Variants in ASAP2 observed in about 807,000 individuals in gnomAD.
ASAP2 encodes arf-GAP with SH3 domain, ANK repeat and PH domain-containing protein 2.
Under a neutral mutation model 131.4 loss-of-function variants are expected in ASAP2, and 45 were observed. The ratio of observed to expected loss-of-function variants is 0.34; its 90% CI spans 0.27 to 0.44. The LOEUF is 0.44. Ranked by LOEUF, ASAP2 falls within the 20% of genes least tolerant of loss-of-function variation. ASAP2 has a pLI of 1.00. For synonymous variants in ASAP2, 510 were observed against 503.0 expected (o/e 1.01, Z -0.19); for missense variants, 1,011 against 1,297.0 (o/e 0.78, Z 3.39).
intron 2 of ASAP2, among the ~76,000 whole-genome samples, chr2:9,291,255 A>T (rs1006149945): frequency 1.3e-5 from 2 of 152,234 alleles, no homozygotes; most frequent in African/African-American, 2.4e-5. Flanking sequence ...TGGAAGTGGG[A>T]TTATCCAGAA....
intron 1 of ASAP2, among the ~76,000 whole-genome samples, chr2:9,235,389 C>T (rs1391697565): frequency 1.3e-5 from 2 of 152,162 alleles, no homozygotes; most frequent in African/African-American, 2.4e-5. Flanking sequence ...GGCACCCCAG[C>T]CCTTCCCTTT....
Position 9,262,304 on chromosome 2 carries a change from G to A in ASAP2, c.127-17013G>A, listed in dbSNP as rs184836261. Among the ~76,000 whole-genome samples the A allele has an allele frequency of 4.6e-5, 7 of 152,160 alleles. No individual in the cohort carries two copies. In the East Asian group the frequency reaches 9.6e-4, roughly 21 times the overall value. On this transcript the variant is annotated intron_variant, in intron 1 of 27. Coordinates refer to ENST00000281419, the MANE Select transcript of ASAP2 (RefSeq NM_003887.3). ...AAGTATTTGTCGTAATGACTGAGACGGTCCTGGGGTAACAGCGTCTTCTTA... is the reference window on the plus strand; with the variant it reads ...AAGTATTTGTCGTAATGACTGAGACAGTCCTGGGGTAACAGCGTCTTCTTA...
rs1042458367 is a variant in ASAP2 at position 9,320,401 on chromosome 2, C to G, written c.470+64C>G. On this transcript the variant is annotated intron_variant, in intron 5 of 27. Coordinates refer to ENST00000281419, the MANE Select transcript of ASAP2 (RefSeq NM_003887.3). ...TGGGATTTCAAATTTAAACCAACCT[C>G]GTATTGCTTAAAGGGATTGTCCAAA... 7 of 1,221,928 alleles carry G rather than the reference C, an allele frequency of 5.7e-6. No individual in the cohort carries two copies. The African/African-American group carries it at 1.0e-4, about 18-fold the overall frequency. The allele number at this position is 1,221,928 out of a possible 1,614,324, so 75.7% of individuals were successfully genotyped here. A position where few individuals can be genotyped will look rare whatever the true frequency, so the allele number is the denominator to read the frequency against.
At chr2:9,225,126 G>A (rs1256277383) in intron 1 of ASAP2, among the ~76,000 whole-genome samples, 2 of 152,214 alleles carry the variant, frequency 1.3e-5, no homozygotes, top group Non-Finnish European at 2.9e-5. Flanking sequence ...ATGGTTTTTA[G>A]GGGTTGTAAA....
At chr2:9,329,094 T>C (rs1670665249) in intron 7 of ASAP2, among the ~76,000 whole-genome samples, 1 of 152,182 alleles carries the variant, frequency 6.6e-6, no homozygotes, top group Non-Finnish European at 1.5e-5. Flanking sequence ...ATCTGAGATC[T>C]AAAGTATGAG....
At chr2:9,233,848 C>T (rs1233441498) in intron 1 of ASAP2, among the ~76,000 whole-genome samples, 3 of 151,664 alleles carry the variant, frequency 2.0e-5, no homozygotes, top group African/African-American at 4.8e-5. Flanking sequence ...TGGTGGCTCA[C>T]GCCTGTAATC....
At chr2:9,269,498 G>C (rs1666188224) in intron 1 of ASAP2, among the ~76,000 whole-genome samples, 1 of 152,222 alleles carries the variant, frequency 6.6e-6, no homozygotes, top group Admixed American at 6.5e-5. Context: ...AGGGTTCTGT[G>C]GGGGACCAAG....
intron 16 of ASAP2, among the ~76,000 whole-genome samples, chr2:9,373,408 C>T (rs757722244): frequency 8.5e-5 from 13 of 152,216 alleles, no homozygotes; most frequent in East Asian, 1.9e-4. Flanking sequence ...GCCTGGCAGA[C>T]GCTGGCAAGA....
At chr2:9,225,806 G>A (rs1165658229) in intron 1 of ASAP2, among the ~76,000 whole-genome samples, 1 of 152,180 alleles carries the variant, frequency 6.6e-6, no homozygotes, top group African/African-American at 2.4e-5. Flanking sequence ...TACAAAGGAA[G>A]GGACGTATTC....
intron 5 of ASAP2, among the ~76,000 whole-genome samples, chr2:9,322,677 G>A (rs1483866413): frequency 6.6e-6 from 1 of 152,212 alleles, no homozygotes; most frequent in Non-Finnish European, 1.5e-5. Context: ...CTACAGTGAT[G>A]AGCGGTGTTG....
At chr2:9,261,895 T>C (rs1389436312) in intron 1 of ASAP2, among the ~76,000 whole-genome samples, 17 of 152,208 alleles carry the variant, frequency 1.1e-4, no homozygotes, top group Non-Finnish European at 5.9e-5. Context: ...CATGCCCTGC[T>C]CCTTTAACCC....
intron 24 of ASAP2, 35 bp from the exon 25 acceptor site, chr2:9,399,988 G>C (rs375585046): frequency 6.2e-7 from 1 of 1,608,212 alleles, no homozygotes; most frequent in African/African-American, 1.3e-5. Context: ...GTGCCCTCCG[G>C]TAGCAGTAAA....
chr2:9,354,603 A>G, intron 12 of ASAP2, among the ~76,000 whole-genome samples: 1 of 150,122 alleles, frequency 6.7e-6, no homozygotes, highest in East Asian at 2.0e-4. Context: ...GCACGTTTGC[A>G]CCACTCCACT....
chr2:9,289,662 T>C (rs1163184580), intron 2 of ASAP2, among the ~76,000 whole-genome samples: 1 of 152,196 alleles, frequency 6.6e-6, no homozygotes, highest in Non-Finnish European at 1.5e-5. Context: ...CGTTTAGTTA[T>C]TCACACAGAC....
At chr2:9,254,252 T>TACAC (rs1177773963) in intron 1 of ASAP2, among the ~76,000 whole-genome samples, 3 of 85,656 alleles carry the variant, frequency 3.5e-5, no homozygotes, top group African/African-American at 1.6e-4. Context: ...TATATATATA[T>TACAC]ATACACGTGT....
chr2:9,327,918 TC>T lies in ASAP2; in HGVS notation c.686+8del, dbSNP rs1273341450. On this transcript the variant is annotated splice_region_variant and intron_variant, in intron 7 of 27. Coordinates refer to ENST00000281419, the MANE Select transcript of ASAP2 (RefSeq NM_003887.3). ...ACTTTCATGCCCAATGCAAGTAAGTTCTTCTCTGTTATGTTATCTTAAATGT... is the reference window on the plus strand; with the variant it reads ...ACTTTCATGCCCAATGCAAGTAAGTTTTCTCTGTTATGTTATCTTAAATGT... 2 of 1,561,802 alleles carry T rather than the reference TC, an allele frequency of 1.3e-6. No homozygotes were observed. Among genetic ancestry groups the T allele is most frequent in the Non-Finnish European group, 1.7e-6 (2 of 1,158,524 alleles).
intron 16 of ASAP2, 152 bp downstream of exon 16, chr2:9,368,671 A>T (rs1029759153): frequency 3.0e-6 from 2 of 667,962 alleles, no homozygotes; most frequent in Non-Finnish European, 5.1e-6. Flanking sequence ...AGTCACTTTA[A>T]CCTTTTGGGT....
intron 11 of ASAP2, among the ~76,000 whole-genome samples, chr2:9,345,983 C>T (rs868386884): frequency 1.3e-5 from 2 of 152,034 alleles, no homozygotes; most frequent in Admixed American, 6.5e-5. Flanking sequence ...GAGGGATTCT[C>T]GGTGACCTCT....
chr2:9,317,439 CAT>C (rs1315295278), intron 3 of ASAP2, among the ~76,000 whole-genome samples: 82 of 4,450 alleles, frequency 0.018, no homozygotes, highest in Non-Finnish European at 0.051. Flanking sequence ...CACATACTCA[CAT>C]TCTCACACAC....
Sources: allele counts gnomAD v4.1 joint callset (sites outside exome capture counted in the v4.1 genomes callset), GRCh38; gene constraint gnomAD v4.1.1; transcripts MANE v1.5; gene names NCBI Gene and HGNC (gene_info 2026-07-23, HGNC 2026-07-21).